TXNRD2: variants seen among roughly 807,000 people sequenced by gnomAD.
The protein encoded by TXNRD2 is thioredoxin reductase 2, mitochondrial.
A neutral mutation model predicts 70.8 loss-of-function variants in TXNRD2; 67 were observed. That is an observed-to-expected ratio of 0.95 (90% CI 0.78 to 1.16). The LOEUF (loss-of-function observed/expected upper bound fraction) is 1.16. Among genes scored for constraint, TXNRD2 ranks in the 50% most tolerant of loss-of-function variants. The pLI is 0.00. For synonymous variants in TXNRD2, 301 were observed against 295.8 expected (o/e 1.02, Z -0.18); for missense variants, 644 against 719.9 (o/e 0.89, Z 1.21).
intron 4 of TXNRD2, 56 bp from the exon 5 acceptor site, chr22:19,918,273 C>A (rs996130079): frequency 4.4e-5 from 63 of 1,429,844 alleles, no homozygotes; most frequent in South Asian, 1.5e-4. Flanking sequence ...AGCTGCAGGG[C>A]CTCACGATGG....
intron 1 of TXNRD2, among the ~76,000 whole-genome samples, chr22:19,936,028 C>T (rs1055391880): frequency 1.3e-5 from 2 of 152,128 alleles, no homozygotes; most frequent in Non-Finnish European, 2.9e-5. Context: ...TATGGTCACC[C>T]TATTCAGGGC....
At chr22:19,908,844 A>G (rs1940188021) in intron 8 of TXNRD2, among the ~76,000 whole-genome samples, 1 of 152,256 alleles carries the variant, frequency 6.6e-6, no homozygotes, top group Non-Finnish European at 1.5e-5. Flanking sequence ...AGTTCCAGAC[A>G]TGGATAGTGG....
chr22:19,928,073 C>T (rs902656369), intron 2 of TXNRD2, among the ~76,000 whole-genome samples: 1 of 151,336 alleles, frequency 6.6e-6, no homozygotes, highest in Non-Finnish European at 1.5e-5. Flanking sequence ...TTGAGACCAG[C>T]CTGGGCAACA....
At chr22:19,882,207 T>C (rs2145936780) in intron 12 of TXNRD2, among the ~76,000 whole-genome samples, 1 of 152,220 alleles carries the variant, frequency 6.6e-6, no homozygotes, top group Non-Finnish European at 1.5e-5. Context: ...GCTGACACTT[T>C]CTGACATGGA....
At chr22:19,895,204 G>C in intron 11 of TXNRD2, 1 of 1,598,238 alleles carries the variant, frequency 6.3e-7, no homozygotes, top group Non-Finnish European at 8.5e-7. Flanking sequence ...CAAGGTGCTG[G>C]GGATGGCAAG....
chr22:19,930,998 A>C (rs1941336653), intron 2 of TXNRD2, 32 bp downstream of exon 2: 1 of 1,604,100 alleles, frequency 6.2e-7, no homozygotes, highest in Non-Finnish European at 8.5e-7. Flanking sequence ...AAAAGCTTCG[A>C]GGCCTTGCCA....
In TXNRD2 at chr22:19,883,345, C is replaced by T. The variant is rs576244023; in HGVS notation, c.1066G>A (p.Ala356Thr). ...REATSVPHIY[A>T]IGDVVEGRPE... ...CGTACCTCCACCACGTCACCAATGGCGTAGATGTGGGGCACAGAGGTGGCT... is the reference window on the plus strand; with the variant it reads ...CGTACCTCCACCACGTCACCAATGGTGTAGATGTGGGGCACAGAGGTGGCT... Residue 356 changes from alanine (A) to threonine (T), a missense_variant, in exon 12 of 18, where the codon GCC becomes ACC. Physicochemically the swap from Ala to Thr is moderately conservative, Grantham distance 58. Coordinates refer to ENST00000400521, the MANE Select transcript of TXNRD2 (RefSeq NM_006440.5). 2.2e-5 allele frequency: 36 copies of T among 1,613,908 alleles called. No individual in the cohort carries two copies. The South Asian group carries it at 3.5e-4, about 16-fold the overall frequency.
chr22:19,911,252 T>C (rs1284576812), intron 8 of TXNRD2, 125 bp downstream of exon 8: 2 of 824,034 alleles, frequency 2.4e-6, no homozygotes, highest in Non-Finnish European at 4.1e-6. Flanking sequence ...AACAGGCCTT[T>C]TTTCCTTCTT....
chr22:19,937,465 T>A (rs1941571191), intron 1 of TXNRD2, among the ~76,000 whole-genome samples: 1 of 152,234 alleles, frequency 6.6e-6, no homozygotes, highest in African/African-American at 2.4e-5. Context: ...CTTCATATGT[T>A]AGCTTTTCAA....
At chr22:19,877,354 C>A (rs2145925646) in intron 16 of TXNRD2, 120 bp from the exon 17 acceptor site, 1 of 922,980 alleles carries the variant, frequency 1.1e-6, no homozygotes, top group Non-Finnish European at 1.7e-6. Context: ...TCCCCTGACC[C>A]CCAGCCAGCA....
chr22:19,876,949 T>C, intron 17 of TXNRD2, 91 bp downstream of exon 17: 1 of 910,420 alleles, frequency 1.1e-6, no homozygotes, highest in Non-Finnish European at 1.5e-6. Context: ...AGGTGTAGCC[T>C]TGCTGTACAC....
intron 1 of TXNRD2, among the ~76,000 whole-genome samples, chr22:19,937,276 C>G (rs549247018): frequency 1.3e-5 from 2 of 152,140 alleles, no homozygotes; most frequent in Non-Finnish European, 2.9e-5. Flanking sequence ...GCTCTCACCA[C>G]GGAACAAGTA....
intron 8 of TXNRD2, 100 bp from the exon 9 acceptor site, chr22:19,899,168 C>G: frequency 1.3e-6 from 2 of 1,487,644 alleles, no homozygotes; most frequent in Middle Eastern, 3.4e-4. Context: ...GGCCCTTGGT[C>G]AGCTCGTGGG....
At chr22:19,886,484 G>C (rs2145947216) in intron 11 of TXNRD2, among the ~76,000 whole-genome samples, 1 of 152,374 alleles carries the variant, frequency 6.6e-6, no homozygotes, top group South Asian at 2.1e-4. Flanking sequence ...GACCCACTGG[G>C]GCCCGAATGC....
chr22:19,915,739 G>C (rs376458400), intron 6 of TXNRD2, 26 bp downstream of exon 6: 242 of 1,611,726 alleles, frequency 1.5e-4, no homozygotes, highest in Middle Eastern at 1.7e-4. Context: ...TCCACAAGGA[G>C]CCACGCGAGT....
At chr22:19,903,343 T>C (rs1157466503) in intron 8 of TXNRD2, among the ~76,000 whole-genome samples, 1 of 152,210 alleles carries the variant, frequency 6.6e-6, no homozygotes, top group African/African-American at 2.4e-5. Flanking sequence ...CCCATCCCAG[T>C]GTTGCCAGCT....
intron 3 of TXNRD2, 68 bp from the exon 4 acceptor site, chr22:19,919,072 A>G: frequency 6.5e-7 from 1 of 1,534,182 alleles, no homozygotes; most frequent in Non-Finnish European, 8.8e-7. Flanking sequence ...CTGTTCTTCT[A>G]GAGTGTTTGG....
At chr22:19,895,372 C>T (rs1302940502) in intron 11 of TXNRD2, 35 bp downstream of exon 11, 1 of 1,613,372 alleles carries the variant, frequency 6.2e-7, no homozygotes, top group African/African-American at 1.3e-5. Context: ...CTCGGGGAGA[C>T]CAGAGACAGA....
In TXNRD2 at chr22:19,933,606, A is replaced by T; in HGVS notation, c.104-2508T>A. 3.3e-6 allele frequency: 3 copies of T among 912,662 alleles called. No homozygotes were observed. In the South Asian group the frequency reaches 4.6e-5, roughly 14 times the overall value. The allele number at this position is 912,662 out of a possible 1,614,324, so 56.5% of individuals were successfully genotyped here. On this transcript the variant is annotated intron_variant, in intron 1 of 17. Transcript: ENST00000400521. ...TGCTCGCCCCCTGTGCACACCCAGG[A>T]GCCCTCTCGGGCTGATAAACACTGG...
Sources: gnomAD v4.1 joint callset for allele counts (sites outside exome capture counted in the v4.1 genomes callset) on GRCh38, gnomAD v4.1.1 for gene constraint, MANE v1.5 for transcripts, NCBI Gene and HGNC (gene_info 2026-07-23, HGNC 2026-07-21) for gene names.